Variants in CSRNP3 observed in about 807,000 individuals in gnomAD.
The protein encoded by CSRNP3 is cysteine and serine rich nuclear protein 3, also known as cysteine/serine-rich nuclear protein 3.
In CSRNP3, 12 loss-of-function variants were observed where a neutral mutation model predicts 48.0. The observed-to-expected ratio is 0.25, with a 90% CI of 0.16 to 0.41. The LOEUF is 0.41. Ranked by LOEUF, CSRNP3 falls within the 10% of genes least tolerant of loss-of-function variation. The pLI is 1.00. For synonymous variants in CSRNP3, 263 were observed against 269.7 expected, an observed-to-expected ratio of 0.98 and a Z score of 0.24; for missense variants, 580 against 724.4, an observed-to-expected ratio of 0.80 and a Z score of 2.29.
intron 5 of CSRNP3, among the ~76,000 whole-genome samples, chr2:165,666,606 T>G (rs1240201300): frequency 0.061 from 551 of 9,064 alleles, 18 homozygotes; most frequent in Middle Eastern, 0.083. Flanking sequence ...TAGAGAGAGA[T>G]GAAGAAAGAG....
chr2:165,672,523 C>T (rs1408945409), intron 5 of CSRNP3, among the ~76,000 whole-genome samples: 1 of 152,150 alleles, frequency 6.6e-6, no homozygotes, highest in African/African-American at 2.4e-5. Flanking sequence ...AAAACCACCC[C>T]CATGATTCAA....
At chr2:165,666,806 AAGAAAGAAAGAGAG>A (rs1271264791) in intron 5 of CSRNP3, among the ~76,000 whole-genome samples, 1 of 142,080 alleles carries the variant, frequency 7.0e-6, no homozygotes, top group African/African-American at 2.7e-5. Context: ...GAGAGAGAGG[AAGAAAGAAAGAGAG>A]AGAAAGGAAG....
chr2:165,484,945 G>A (rs1186771262), intron 1 of CSRNP3, among the ~76,000 whole-genome samples: 1 of 152,002 alleles, frequency 6.6e-6, no homozygotes, highest in Non-Finnish European at 1.5e-5. Flanking sequence ...CTCTTTCTGA[G>A]TCTCCTAAGC....
chr2:165,554,043 C>T (rs777166634), intron 3 of CSRNP3, among the ~76,000 whole-genome samples: 7 of 152,124 alleles, frequency 4.6e-5, no homozygotes, highest in Non-Finnish European at 7.3e-5. Context: ...GTGCCTTTCG[C>T]GTTTCTAAGT....
chr2:165,662,340 CTTTT>C (rs1421493759), intron 5 of CSRNP3, among the ~76,000 whole-genome samples: 1 of 152,014 alleles, frequency 6.6e-6, no homozygotes, highest in Non-Finnish European at 1.5e-5. Flanking sequence ...TCAAGTGTGT[CTTTT>C]TTTGTTAGTG....
At chr2:165,489,522 G>A (rs1198835780) in intron 1 of CSRNP3, among the ~76,000 whole-genome samples, 2 of 112,038 alleles carry the variant, frequency 1.8e-5, no homozygotes, top group Non-Finnish European at 3.6e-5. Context: ...CAATATCCTT[G>A]ATGAACATTG....
At chr2:165,505,043 C>G (rs1342006035) in intron 2 of CSRNP3, among the ~76,000 whole-genome samples, 1 of 152,000 alleles carries the variant, frequency 6.6e-6, no homozygotes, top group East Asian at 1.9e-4. Context: ...AAAATTAACT[C>G]TCATTTTCAG....
At chr2:165,622,666 C>T (rs921908922) in intron 4 of CSRNP3, among the ~76,000 whole-genome samples, 1 of 152,022 alleles carries the variant, frequency 6.6e-6, no homozygotes, top group Admixed American at 6.6e-5. Flanking sequence ...TCCCATTTCT[C>T]CAGTGGGAAG....
At chr2:165,589,465 C>T (rs1685682634) in intron 3 of CSRNP3, among the ~76,000 whole-genome samples, 1 of 152,170 alleles carries the variant, frequency 6.6e-6, no homozygotes, top group Non-Finnish European at 1.5e-5. Flanking sequence ...CAATTTTGTA[C>T]TTAACAGGTG....
intron 3 of CSRNP3, among the ~76,000 whole-genome samples, chr2:165,593,001 C>T (rs1468039313): frequency 6.6e-6 from 1 of 151,572 alleles, no homozygotes; most frequent in African/African-American, 2.4e-5. Flanking sequence ...CGGGGTTTCA[C>T]CGTTTTAGCC....
chr2:165,590,346 T>C (rs1685696057), intron 3 of CSRNP3, among the ~76,000 whole-genome samples: 1 of 152,214 alleles, frequency 6.6e-6, no homozygotes, highest in African/African-American at 2.4e-5. Context: ...GTATTCTTAA[T>C]TTGATGGAGC....
intron 4 of CSRNP3, among the ~76,000 whole-genome samples, chr2:165,613,742 T>C (rs543082863): frequency 6.6e-6 from 1 of 152,292 alleles, no homozygotes; most frequent in Admixed American, 6.5e-5. Context: ...TCTTCTGTTC[T>C]GTTCCAGTGG....
chr2:165,594,219 A>G (rs1685773295), intron 3 of CSRNP3, among the ~76,000 whole-genome samples: 1 of 152,208 alleles, frequency 6.6e-6, no homozygotes, highest in South Asian at 2.1e-4. Context: ...TAATTTAGCA[A>G]TGTAAGATCA....
chr2:165,543,934 C>T (rs1684990313), intron 3 of CSRNP3, among the ~76,000 whole-genome samples: 1 of 151,742 alleles, frequency 6.6e-6, no homozygotes, highest in Admixed American at 6.6e-5. Flanking sequence ...CCTCCAGTAT[C>T]TTAACTTTCT....
At chr2:165,628,279 C>T (rs761355073) in intron 4 of CSRNP3, among the ~76,000 whole-genome samples, 1 of 152,218 alleles carries the variant, frequency 6.6e-6, no homozygotes, top group Non-Finnish European at 1.5e-5. Flanking sequence ...TTTCTTGATA[C>T]ACCATTTTGT....
chr2:165,501,184 A>G (rs1009491949), intron 2 of CSRNP3, among the ~76,000 whole-genome samples: 3 of 152,232 alleles, frequency 2.0e-5, no homozygotes, highest in Non-Finnish European at 4.4e-5. Flanking sequence ...TCATGGTTAC[A>G]TAAGACAGAT....
intron 5 of CSRNP3, among the ~76,000 whole-genome samples, chr2:165,667,048 GAGAA>G (rs1553484533): frequency 6.6e-4 from 6 of 9,060 alleles, no homozygotes; most frequent in Non-Finnish European, 1.0e-3. Context: ...GAAAGAGAGA[GAGAA>G]AGGAAGGAAG....
At chr2:165,502,759 G>GTCTC (rs60183337) in intron 2 of CSRNP3, among the ~76,000 whole-genome samples, 1 of 149,048 alleles carries the variant, frequency 6.7e-6, no homozygotes, top group Non-Finnish European at 1.5e-5. Flanking sequence ...CTCTTCCCCT[G>GTCTC]TCTCTCTCTC....
At chr2:165,500,613 A>G (rs1048021953) in intron 2 of CSRNP3, among the ~76,000 whole-genome samples, 33 of 151,876 alleles carry the variant, frequency 2.2e-4, no homozygotes, top group African/African-American at 8.0e-4. Flanking sequence ...ATGTGCCACT[A>G]CGCCCGGCTA....
Sources: allele counts gnomAD v4.1 joint callset (sites outside exome capture counted in the v4.1 genomes callset), GRCh38; gene constraint gnomAD v4.1.1; transcripts MANE v1.5; gene names NCBI Gene and HGNC (gene_info 2026-07-23, HGNC 2026-07-21).